B3GNT2: variants seen among roughly 807,000 people sequenced by gnomAD.
The protein encoded by B3GNT2 is UDP-GlcNAc:betaGal beta-1,3-N-acetylglucosaminyltransferase 2.
A neutral mutation model predicts 27.6 loss-of-function variants in B3GNT2; 12 were observed. The observed-to-expected ratio is 0.44, with a 90% CI of 0.28 to 0.71. The LOEUF is 0.71. Ranked by LOEUF, B3GNT2 falls within the 30% of genes least tolerant of loss-of-function variation. The probability of loss-of-function intolerance (pLI) is 0.17; values close to 1 mark genes in which losing one functional copy is unlikely to be tolerated. For missense variants in B3GNT2, 413 were observed against 488.5 expected (o/e 0.85, Z 1.46); for synonymous variants, 192 against 189.7 (o/e 1.01, Z -0.10).
At chr2:62,204,516 T>C (rs1674331065) in intron 1 of B3GNT2, among the ~76,000 whole-genome samples, 1 of 152,188 alleles carries the variant, frequency 6.6e-6, no homozygotes, top group South Asian at 2.1e-4. Flanking sequence ...AATGAAAGGG[T>C]CGAAGTGTTA....
In B3GNT2 at chr2:62,223,862, A is replaced by G. The variant is rs1674773747; in HGVS notation, c.*448A>G. 1 of 167,518 alleles carries G rather than the reference A, an allele frequency of 6.0e-6. No homozygotes were observed. Among genetic ancestry groups the G allele is most frequent in the Non-Finnish European group, 1.5e-5 (1 of 68,466 alleles). The allele number at this position is 167,518 out of a possible 1,614,324, so 10.4% of individuals were successfully genotyped here. On this transcript the variant is annotated 3_prime_UTR_variant, in exon 2 of 2. Coordinates refer to ENST00000301998, the MANE Select transcript of B3GNT2 (RefSeq NM_006577.6). The stretch of plus-strand genomic sequence containing the variant: ...GTTTTCGTGAAATGGAATTATGTTT[A>G]TTTTTATGGGATTTGGGTAAATTTT...
In B3GNT2 at chr2:62,222,070, A is replaced by G. The variant is rs1573273483; in HGVS notation, c.-9-142A>G. ...CCCATGATCACAAAGCTAGAAAGGA[A>G]GGGCCAAGATTTGAACCTAGGCAGT... On this transcript the variant is annotated intron_variant, in intron 1 of 1. Coordinates refer to ENST00000301998, the MANE Select transcript of B3GNT2 (RefSeq NM_006577.6). This position sits in a 1 kb window ranked among gnomAD's most constrained non-coding sequence, Gnocchi z 4.2. The G allele has an allele frequency of 1.4e-6, 1 of 734,364 alleles. No homozygotes were observed. Among genetic ancestry groups the G allele is most frequent in the East Asian group, 2.7e-5 (1 of 36,754 alleles). 45.5% of individuals were successfully genotyped at this position (734,364 alleles called of 1,614,324 possible).
intron 1 of B3GNT2, among the ~76,000 whole-genome samples, chr2:62,213,252 A>G (rs894966360): frequency 3.3e-5 from 5 of 152,200 alleles, no homozygotes; most frequent in Admixed American, 2.6e-4. Flanking sequence ...TGCAGTGATC[A>G]GGCAACTGTA....
At chr2:62,207,831 TCCATGGCCTGGGGTTTGGGGAC>T (rs1674405837) in intron 1 of B3GNT2, among the ~76,000 whole-genome samples, 1 of 152,054 alleles carries the variant, frequency 6.6e-6, no homozygotes, top group South Asian at 2.1e-4. Context: ...CCGCTAGGGG[TCCATGGCCTGGGGTTTGGGGAC>T]CCCTGCCATA....
intron 1 of B3GNT2, among the ~76,000 whole-genome samples, chr2:62,217,208 T>C (rs1215153686): frequency 6.6e-6 from 1 of 152,178 alleles, no homozygotes; most frequent in Admixed American, 6.5e-5. Flanking sequence ...TAGACACAAA[T>C]CCCTTCAGTT....
At chr2:62,204,412 A>T (rs1674329471) in intron 1 of B3GNT2, among the ~76,000 whole-genome samples, 1 of 152,198 alleles carries the variant, frequency 6.6e-6, no homozygotes, top group Non-Finnish European at 1.5e-5. Flanking sequence ...GGTGAGTTTT[A>T]TGTGCATGTG....
At chr2:62,217,529 C>T (rs547261933) in intron 1 of B3GNT2, among the ~76,000 whole-genome samples, 1 of 152,328 alleles carries the variant, frequency 6.6e-6, no homozygotes, top group African/African-American at 2.4e-5. Flanking sequence ...GGCACAGGCA[C>T]AAGGGAAGGT....
chr2:62,223,278 T>G lies in B3GNT2; in HGVS notation c.1058T>G (p.Phe353Cys). The change falls in exon 2 of 2, where the codon TTC becomes TGC. Residue 353 changes from phenylalanine to cysteine, a missense_variant. Physicochemically the swap from Phe to Cys is radical, Grantham distance 205. Coordinates refer to ENST00000301998, the MANE Select transcript of B3GNT2 (RefSeq NM_006577.6). ...CTCGTTCCAGAGAAACACAAAGGCT[T>G]CAGGACATTTGATATCGAGGAGAAA... The part of the protein sequence containing the change: ...LGLVPEKHKG[F>C]RTFDIEEKNK... The G allele has an allele frequency of 6.2e-7, 1 of 1,614,212 alleles. No individual in the cohort carries two copies. The highest frequency in any genetic ancestry group is 8.5e-7 in the Non-Finnish European group (1 of 1,180,030).
rs146248788 is a variant in B3GNT2 at position 62,222,921 on chromosome 2, C to A, written c.701C>A (p.Ser234Tyr). The A allele has an allele frequency of 7.4e-6, 12 of 1,614,066 alleles. No individual in the cohort carries two copies. The African/African-American group carries it at 1.6e-4, about 22-fold the overall frequency. ...EVLFLRWVST[S>Y]CPDTEFVFKG... is the part of the protein sequence containing the mutation. Reference sequence around the variant, plus strand: ...CTGTTTCTCAGGTGGGTAAGTACTTCCTGCCCAGACACTGAGTTTGTTTTC... The same window carrying A: ...CTGTTTCTCAGGTGGGTAAGTACTTACTGCCCAGACACTGAGTTTGTTTTC... The change falls in exon 2 of 2, where the codon TCC becomes TAC. Residue 234 changes from serine to tyrosine, a missense_variant. Ser to Tyr is a moderately radical substitution (Grantham distance 144, BLOSUM62 -2). Coordinates refer to ENST00000301998, the MANE Select transcript of B3GNT2 (RefSeq NM_006577.6). The surrounding 1 kb of genome is among the most constrained non-coding windows in gnomAD (Gnocchi z 4.2).
chr2:62,218,824 A>G (rs1352191209), intron 1 of B3GNT2, among the ~76,000 whole-genome samples: 2 of 152,218 alleles, frequency 1.3e-5, no homozygotes, highest in Non-Finnish European at 2.9e-5. Context: ...CACTTAAATG[A>G]AAGTTGAGGG....
intron 1 of B3GNT2, among the ~76,000 whole-genome samples, chr2:62,200,684 C>T (rs761362676): frequency 6.6e-5 from 10 of 152,170 alleles, no homozygotes; most frequent in African/African-American, 9.7e-5. Flanking sequence ...AAGGTTCCTG[C>T]GCCCATGTCT....
chr2:62,208,384 A>G lies in B3GNT2; in HGVS notation c.-10+12029A>G, dbSNP rs74637786. Reference sequence around the variant, plus strand: ...ATGTAATTTATGCTTGTGCGTTTCTATTAATTTTTAATTGCCTTCTTTCTC... The same window carrying G: ...ATGTAATTTATGCTTGTGCGTTTCTGTTAATTTTTAATTGCCTTCTTTCTC... On this transcript the variant is annotated intron_variant, in intron 1 of 1. Transcript: ENST00000301998. Among the ~76,000 whole-genome samples, 62 of 152,226 alleles carry G rather than the reference A, an allele frequency of 4.1e-4. No individual in the cohort carries two copies. The East Asian group carries it at 0.011, about 27-fold the overall frequency.
Position 62,222,192 on chromosome 2 carries a change from A to G in B3GNT2, c.-9-20A>G. ...CAAATTGATAAGTAATTGATACAAT[A>G]CTCCACCCCTTTATTCCAGATATGA... On this transcript the variant is annotated intron_variant, in intron 1 of 1. Coordinates refer to ENST00000301998, the MANE Select transcript of B3GNT2 (RefSeq NM_006577.6). The surrounding 1 kb of genome is among the most constrained non-coding windows in gnomAD (Gnocchi z 4.2). 1 of 1,549,706 alleles carries G rather than the reference A, an allele frequency of 6.5e-7. No individual in the cohort carries two copies. The highest frequency in any genetic ancestry group is 1.2e-5 in the South Asian group (1 of 80,336).
In B3GNT2 at chr2:62,198,763, A is replaced by G. The variant is rs535088226; in HGVS notation, c.-10+2408A>G. Among the ~76,000 whole-genome samples the G allele has an allele frequency of 3.3e-5, 5 of 152,280 alleles. No homozygotes were observed. In the East Asian group the frequency reaches 5.8e-4, roughly 18 times the overall value. On this transcript the variant is annotated intron_variant, in intron 1 of 1. Coordinates refer to ENST00000301998, the MANE Select transcript of B3GNT2 (RefSeq NM_006577.6). ...AATAGGAAAGTAGAACTGATAATTC[A>G]TAGTTGATTTTGACTATACTGTTCA...
rs781423933 is a variant in B3GNT2, at chr2:62,223,057, T to C, written c.837T>C (p.Ala279=). The part of the protein sequence containing the change: ...DLFIGDVIHN[A]GPHRDKKLKY... ...TCATAGGTGATGTGATCCACAATGC[T>C]GGACCTCATCGGGATAAGAAGCTGA... The change falls in exon 2 of 2, where the codon GCT becomes GCC. Residue 279 remains alanine, a synonymous_variant. Coordinates refer to ENST00000301998, the MANE Select transcript of B3GNT2 (RefSeq NM_006577.6). 3 of 1,614,264 alleles carry C rather than the reference T, an allele frequency of 1.9e-6. No individual in the cohort carries two copies. The highest frequency in any genetic ancestry group is 2.5e-6 in the Non-Finnish European group (3 of 1,180,046).
At chr2:62,200,869 C>A (rs1231670323) in intron 1 of B3GNT2, among the ~76,000 whole-genome samples, 1 of 152,076 alleles carries the variant, frequency 6.6e-6, no homozygotes, top group African/African-American at 2.4e-5. Flanking sequence ...CTATTTTTAC[C>A]ACTTATTGTG....
chr2:62,216,762 A>G (rs888874905), intron 1 of B3GNT2, among the ~76,000 whole-genome samples: 1 of 152,146 alleles, frequency 6.6e-6, no homozygotes, highest in African/African-American at 2.4e-5. Flanking sequence ...CTTGAAAACC[A>G]TGGTTTTGCA....
chr2:62,196,934 T>TCCCCACC (rs1049587298), intron 1 of B3GNT2, among the ~76,000 whole-genome samples: 2 of 150,238 alleles, frequency 1.3e-5, no homozygotes, highest in South Asian at 4.2e-4. Context: ...CGGCAGCCGC[T>TCCCCACC]CCCCACCCCC....
At chr2:62,204,387 G>T (rs1292188586) in intron 1 of B3GNT2, among the ~76,000 whole-genome samples, 1 of 152,138 alleles carries the variant, frequency 6.6e-6, no homozygotes, top group South Asian at 2.1e-4. Flanking sequence ...CTTGATCAGG[G>T]AATAACACAA....
Sources: allele counts gnomAD v4.1 joint callset (sites outside exome capture counted in the v4.1 genomes callset), GRCh38; gene constraint gnomAD v4.1.1; non-coding constraint Gnocchi (gnomAD v3.1); transcripts MANE v1.5; gene names NCBI Gene and HGNC (gene_info 2026-07-23, HGNC 2026-07-21).